RAB3GAP2: variants seen among roughly 807,000 people sequenced by gnomAD.
The protein encoded by RAB3GAP2 is rab3 GTPase-activating protein non-catalytic subunit.
RAB3GAP2 carries 87 observed loss-of-function variants against 185.3 expected under a neutral mutation model. The observed-to-expected ratio is 0.47, with a 90% CI of 0.39 to 0.56. The LOEUF is 0.56. Ranked by LOEUF, RAB3GAP2 falls within the 20% of genes least tolerant of loss-of-function variation. The pLI, the probability that RAB3GAP2 is intolerant of heterozygous loss-of-function variation, is 0.00. For synonymous variants in RAB3GAP2, 554 were observed against 576.1 expected (o/e 0.96, Z 0.55); for missense variants, 1,492 against 1,638.2 (o/e 0.91, Z 1.54).
rs1657742453 is a variant in RAB3GAP2, at chr1:220,151,028, AAC to A, written c.*221_*222del. Reference sequence around the variant, plus strand: ...ACAGTAAAACATCTGTATTAATTATAACAGAGTTGACATTTGTTTATATTTTA... The same window carrying A: ...ACAGTAAAACATCTGTATTAATTATAAGAGTTGACATTTGTTTATATTTTA... On this transcript the variant is annotated 3_prime_UTR_variant, in exon 35 of 35. Coordinates refer to ENST00000358951, the MANE Select transcript of RAB3GAP2 (RefSeq NM_012414.4). 4 of 520,816 alleles carry A rather than the reference AAC, an allele frequency of 7.7e-6. No individual in the cohort carries two copies. In the South Asian group the frequency reaches 1.1e-4, roughly 14 times the overall value. The allele number at this position is 520,816 out of a possible 1,614,324, so 32.3% of individuals were successfully genotyped here. A position where few individuals can be genotyped will look rare whatever the true frequency, so the allele number is the denominator to read the frequency against.
chr1:220,229,327 G>A (rs1418719668), intron 2 of RAB3GAP2, among the ~76,000 whole-genome samples: 1 of 152,162 alleles, frequency 6.6e-6, no homozygotes, highest in Non-Finnish European at 1.5e-5. Flanking sequence ...AGCAGCCAAG[G>A]TGAGCTTGAA....
At chr1:220,167,912 G>C (rs1262304719) in intron 24 of RAB3GAP2, among the ~76,000 whole-genome samples, 2 of 152,062 alleles carry the variant, frequency 1.3e-5, no homozygotes, top group Non-Finnish European at 2.9e-5. Context: ...GAAAATATTA[G>C]ATAAATATAA....
chr1:220,256,164 T>C (rs185724260), intron 1 of RAB3GAP2, among the ~76,000 whole-genome samples: 14 of 152,326 alleles, frequency 9.2e-5, no homozygotes, highest in South Asian at 6.2e-4. Flanking sequence ...CTAAGCTTCA[T>C]AGATGAAGGA....
At chr1:220,254,876 T>C (rs1017148048) in intron 1 of RAB3GAP2, among the ~76,000 whole-genome samples, 1 of 151,904 alleles carries the variant, frequency 6.6e-6, no homozygotes, top group Non-Finnish European at 1.5e-5. Context: ...GTTAATGCTA[T>C]ATGACAAAAT....
In RAB3GAP2 at chr1:220,193,275, T is replaced by C. The variant is rs769284206; in HGVS notation, c.1235A>G (p.Asp412Gly). Residue 412 changes from aspartate (D) to glycine (G), a missense_variant, in exon 13 of 35, where the codon GAT (aspartate) becomes GGT (glycine). Around this residue, in one of 5 missense-constraint regions of RAB3GAP2, gnomAD observed 681 missense variants for 689.1 expected, o/e 0.99. Coordinates refer to ENST00000358951, the MANE Select transcript of RAB3GAP2 (RefSeq NM_012414.4). ...TDDFGRVILL[D>G]VARGIAIRMW... Reference sequence around the variant, plus strand: ...GCGTATTGCAATTCCTCTAGCTACATCCAATAAAATAACTCTGCCGAAATC... The same window carrying C: ...GCGTATTGCAATTCCTCTAGCTACACCCAATAAAATAACTCTGCCGAAATC... 4 of 1,613,898 alleles carry C rather than the reference T, an allele frequency of 2.5e-6. No homozygotes were observed. The highest frequency in any genetic ancestry group is 3.4e-6 in the Non-Finnish European group (4 of 1,179,956).
intron 1 of RAB3GAP2, chr1:220,266,712 A>G: frequency 2.5e-6 from 4 of 1,575,072 alleles, no homozygotes; most frequent in Non-Finnish European, 3.5e-6. Flanking sequence ...TCCTAAGAAT[A>G]CTTGCTAGTT....
chr1:220,160,598 C>T (rs1187496311), intron 28 of RAB3GAP2, among the ~76,000 whole-genome samples: 1 of 152,184 alleles, frequency 6.6e-6, no homozygotes, highest in Admixed American at 6.5e-5. Flanking sequence ...TTCATCTTAG[C>T]TTTTCTTTTC....
At position 220,183,047 on chromosome 1, in the gene RAB3GAP2, T is replaced by C. The variant is rs535940376; in HGVS notation, c.1999-116A>G. 3.1e-4 allele frequency: 234 copies of C among 757,988 alleles called. 1 individual carries two copies. The South Asian group carries it at 3.5e-3, about 11-fold the overall frequency. The allele number at this position is 757,988 out of a possible 1,614,324, so 47.0% of individuals were successfully genotyped here. Reference sequence around the variant, plus strand: ...TTTTTAATTAATATAATACCTATCATGTATTCTGCTTAAAACTTTACTTAC... The same window carrying C: ...TTTTTAATTAATATAATACCTATCACGTATTCTGCTTAAAACTTTACTTAC... On this transcript the variant is annotated intron_variant, in intron 19 of 34. Coordinates refer to ENST00000358951, the MANE Select transcript of RAB3GAP2 (RefSeq NM_012414.4).
intron 2 of RAB3GAP2, 138 bp from the exon 3 acceptor site, chr1:220,214,117 C>G: frequency 1.2e-6 from 1 of 860,424 alleles, no homozygotes; most frequent in East Asian, 2.7e-5. Flanking sequence ...TCATAATATT[C>G]CTTATCAAAA....
chr1:220,164,927 T>A (rs570420561), intron 26 of RAB3GAP2, 128 bp from the exon 27 acceptor site: 3 of 855,296 alleles, frequency 3.5e-6, no homozygotes, highest in East Asian at 5.4e-5. Context: ...AATAATAACA[T>A]GAAATTATTG....
chr1:220,210,538 C>T (rs370170388), intron 6 of RAB3GAP2, 49 bp from the exon 7 acceptor site: 1 of 1,414,790 alleles, frequency 7.1e-7, no homozygotes, highest in Non-Finnish European at 1.0e-6. Context: ...TACCAATATA[C>T]CTTAGCAGGT....
chr1:220,218,409 A>G (rs1246952774), intron 2 of RAB3GAP2, among the ~76,000 whole-genome samples: 1 of 152,216 alleles, frequency 6.6e-6, no homozygotes, highest in Non-Finnish European at 1.5e-5. Context: ...GTGCCATAAA[A>G]TTCTAGATCT....
intron 27 of RAB3GAP2, among the ~76,000 whole-genome samples, chr1:220,163,094 G>A (rs1657993614): frequency 6.6e-6 from 1 of 152,100 alleles, no homozygotes; most frequent in Non-Finnish European, 1.5e-5. Context: ...AGCTATGTGT[G>A]CCACTATACT....
chr1:220,153,521 T>C, intron 32 of RAB3GAP2, 115 bp from the exon 33 acceptor site: 1 of 950,522 alleles, frequency 1.1e-6, no homozygotes, highest in African/African-American at 1.6e-5. Context: ...ATTAAATTGT[T>C]TAGTTATCAA....
At chr1:220,241,224 T>C (rs2102896295) in intron 1 of RAB3GAP2, among the ~76,000 whole-genome samples, 1 of 152,252 alleles carries the variant, frequency 6.6e-6, no homozygotes, top group East Asian at 1.9e-4. Flanking sequence ...GTATGTTTTT[T>C]TTCATTTAAC....
At chr1:220,270,973 C>T (rs572554406) in intron 1 of RAB3GAP2, among the ~76,000 whole-genome samples, 2 of 152,304 alleles carry the variant, frequency 1.3e-5, no homozygotes, top group East Asian at 1.9e-4. Flanking sequence ...AAATACCATG[C>T]CATTTCAGGC....
At chr1:220,205,640 G>A (rs1204738269) in intron 8 of RAB3GAP2, among the ~76,000 whole-genome samples, 3 of 152,164 alleles carry the variant, frequency 2.0e-5, no homozygotes, top group Non-Finnish European at 4.4e-5. Context: ...AAGACATACT[G>A]CTGAATTCGT....
intron 1 of RAB3GAP2, among the ~76,000 whole-genome samples, chr1:220,233,260 T>C (rs532035649): frequency 6.6e-6 from 1 of 152,194 alleles, no homozygotes; most frequent in East Asian, 1.9e-4. Context: ...ACACCTAAAA[T>C]TTCACAGATG....
At chr1:220,162,926 AAAAC>A (rs771918215) in intron 27 of RAB3GAP2, among the ~76,000 whole-genome samples, 77 of 152,288 alleles carry the variant, frequency 5.1e-4, no homozygotes, top group African/African-American at 1.4e-3. Context: ...AAATATATAA[AAAAC>A]AAACAAACAA....
Sources: allele counts gnomAD v4.1 joint callset (sites outside exome capture counted in the v4.1 genomes callset), GRCh38; gene constraint gnomAD v4.1.1; regional missense constraint gnomAD v4.1.1; transcripts MANE v1.5; gene names NCBI Gene and HGNC (gene_info 2026-07-23, HGNC 2026-07-21).